Variants in BCAS3 observed in about 807,000 individuals in gnomAD.
BCAS3 encodes the protein BCAS3 microtubule associated cell migration factor.
A neutral mutation model predicts 116.1 loss-of-function variants in BCAS3; 53 were observed. That is an observed-to-expected ratio of 0.46 (90% CI 0.37 to 0.57). The LOEUF is 0.57. BCAS3 is among the 20% of genes least tolerant of loss of function. BCAS3 has a pLI of 0.00. For missense variants in BCAS3, 917 were observed against 1,165.4 expected, an observed-to-expected ratio of 0.79 and a Z score of 3.10; for synonymous variants, 391 against 408.2, an observed-to-expected ratio of 0.96 and a Z score of 0.51.
intron 7 of BCAS3, among the ~76,000 whole-genome samples, chr17:60,825,492 A>G (rs1239296677): frequency 2.0e-5 from 3 of 147,620 alleles, no homozygotes; most frequent in Non-Finnish European, 3.0e-5. Context: ...TTGGTAATTT[A>G]TAAATAATAA....
intron 5 of BCAS3, among the ~76,000 whole-genome samples, chr17:60,736,609 A>C (rs1348528968): frequency 6.6e-6 from 1 of 152,046 alleles, no homozygotes; most frequent in Non-Finnish European, 1.5e-5. Flanking sequence ...TTCTTTCTTA[A>C]ATGTATGGTA....
intron 12 of BCAS3, among the ~76,000 whole-genome samples, chr17:60,921,368 C>G (rs2059075216): frequency 6.6e-6 from 1 of 152,090 alleles, no homozygotes; most frequent in African/African-American, 2.4e-5. Flanking sequence ...GACCACACCA[C>G]GTTGGGAGGC....
intron 22 of BCAS3, among the ~76,000 whole-genome samples, chr17:61,262,956 T>C (rs2049359635): frequency 6.6e-6 from 1 of 152,114 alleles, no homozygotes; most frequent in Non-Finnish European, 1.5e-5. Context: ...CCTCCCAAAG[T>C]GCTGGGATTA....
At chr17:60,754,752 A>T (rs1233705994) in intron 6 of BCAS3, among the ~76,000 whole-genome samples, 1 of 149,798 alleles carries the variant, frequency 6.7e-6, no homozygotes, top group Non-Finnish European at 1.5e-5. Context: ...GAGTCTGTTC[A>T]GCCGAAACAC....
At chr17:60,720,978 T>G (rs1249000166) in intron 5 of BCAS3, among the ~76,000 whole-genome samples, 1 of 152,190 alleles carries the variant, frequency 6.6e-6, no homozygotes, top group Non-Finnish European at 1.5e-5. Context: ...AAAGTGCGGC[T>G]GCTCCTTGAA....
chr17:61,183,798 T>A (rs898543138), intron 22 of BCAS3, among the ~76,000 whole-genome samples: 3 of 152,246 alleles, frequency 2.0e-5, no homozygotes, highest in African/African-American at 7.2e-5. Context: ...AGAAAATGAC[T>A]GATACAATTG....
At chr17:61,035,932 T>A (rs1568178962) in intron 17 of BCAS3, among the ~76,000 whole-genome samples, 1 of 152,054 alleles carries the variant, frequency 6.6e-6, no homozygotes, top group Non-Finnish European at 1.5e-5. Flanking sequence ...TATGAATTGT[T>A]TATTTCTGGA....
At chr17:60,882,725 C>T (rs1259808239) in intron 9 of BCAS3, among the ~76,000 whole-genome samples, 1 of 146,388 alleles carries the variant, frequency 6.8e-6, no homozygotes, top group Non-Finnish European at 1.5e-5. Flanking sequence ...TTGTTTTTGT[C>T]AGGTTTGTCA....
At chr17:61,024,359 A>C (rs2066079612) in intron 16 of BCAS3, among the ~76,000 whole-genome samples, 1 of 152,132 alleles carries the variant, frequency 6.6e-6, no homozygotes, top group Non-Finnish European at 1.5e-5. Flanking sequence ...TACATGCTAA[A>C]CCAGGTTCTA....
At chr17:61,231,803 G>A (rs191374322) in intron 22 of BCAS3, among the ~76,000 whole-genome samples, 2 of 146,724 alleles carry the variant, frequency 1.4e-5, no homozygotes, top group African/African-American at 5.0e-5. Flanking sequence ...ATTTGAGCCT[G>A]AGAGATCGAA....
Position 61,380,404 on chromosome 17 carries a change from A to G in BCAS3, c.2594-11573A>G, listed in dbSNP as rs2059549555. ...ACCCCCGCAAAGCTCTCAGTGGTCA[A>G]ACCAGATTTGGGTATCGACTCACTT... is the stretch of plus-strand genomic sequence containing the variant. On this transcript the variant is annotated intron_variant, in intron 23 of 23. Coordinates refer to ENST00000407086, the MANE Select transcript of BCAS3 (RefSeq NM_017679.5). The surrounding 1 kb of genome is among the most constrained non-coding windows in gnomAD (Gnocchi z 4.2). The G allele has an allele frequency of 3.5e-6, 4 of 1,130,786 alleles. No homozygotes were observed. Among genetic ancestry groups the G allele is most frequent in the South Asian group, 1.3e-5 (1 of 75,624 alleles). 70.0% of individuals were successfully genotyped at this position (1,130,786 alleles called of 1,614,324 possible). A position where few individuals can be genotyped will look rare whatever the true frequency, so the allele number is the denominator to read the frequency against.
At chr17:60,929,734 A>T (rs2059547368) in intron 13 of BCAS3, among the ~76,000 whole-genome samples, 1 of 86,674 alleles carries the variant, frequency 1.2e-5, no homozygotes, top group East Asian at 3.8e-4. Flanking sequence ...CCCACCCCAC[A>T]ACAGTCCCCA....
At chr17:61,055,648 G>T (rs1281561204) in intron 19 of BCAS3, among the ~76,000 whole-genome samples, 3 of 152,066 alleles carry the variant, frequency 2.0e-5, no homozygotes, top group Admixed American at 6.6e-5. Context: ...CTGGAGAACT[G>T]GTATACATTG....
rs371178241 is a variant in BCAS3, at chr17:61,285,231, T to TTGTGTGTGTGTGTGTGTGTGTGTG, written c.2426-83092_2426-83069dup. 2.9e-4 allele frequency among the ~76,000 whole-genome samples: 40 copies of TTGTGTGTGTGTGTGTGTGTGTGTG among 140,090 alleles called. No individual in the cohort carries two copies. Among genetic ancestry groups the TTGTGTGTGTGTGTGTGTGTGTGTG allele is most frequent in the African/African-American group, 9.4e-4 (31 of 32,948 alleles). The allele number at this position is 140,090 out of a possible 152,430, so 91.9% of individuals were successfully genotyped here. A position where few individuals can be genotyped will look rare whatever the true frequency, so the allele number is the denominator to read the frequency against. ...GTTTTGCTTTTCCCCTCCTCCTAGG[T>TTGTGTGTGTGTGTGTGTGTGTGTG]TGTGTGTGTGTGTGTGTGTGTGTGT... On this transcript the variant is annotated intron_variant, in intron 22 of 23. Transcript: ENST00000407086. The surrounding 1 kb of genome is among the most constrained non-coding windows in gnomAD (Gnocchi z 5.4).
At chr17:61,240,259 A>G (rs1425316716) in intron 22 of BCAS3, among the ~76,000 whole-genome samples, 1 of 152,202 alleles carries the variant, frequency 6.6e-6, no homozygotes, top group East Asian at 1.9e-4. Context: ...CAGATTCAAA[A>G]ACAGCCTAAG....
chr17:60,814,425 A>G (rs1003265983), intron 7 of BCAS3, among the ~76,000 whole-genome samples: 11 of 152,022 alleles, frequency 7.2e-5, no homozygotes, highest in Middle Eastern at 6.8e-3. Flanking sequence ...CCTGAAACTT[A>G]CTGAAATTTT....
At chr17:61,119,905 A>G (rs2075695138) in intron 22 of BCAS3, among the ~76,000 whole-genome samples, 1 of 152,094 alleles carries the variant, frequency 6.6e-6, no homozygotes. Flanking sequence ...ACCAGAAAAT[A>G]TAAAATACTT....
chr17:60,824,821 G>C (rs759951809), intron 7 of BCAS3, among the ~76,000 whole-genome samples: 1 of 152,162 alleles, frequency 6.6e-6, no homozygotes, highest in Non-Finnish European at 1.5e-5. Flanking sequence ...TTTTCTGGAA[G>C]ATATTTGGAG....
At chr17:61,254,270 A>G (rs543245730) in intron 22 of BCAS3, among the ~76,000 whole-genome samples, 2 of 152,292 alleles carry the variant, frequency 1.3e-5, no homozygotes, top group South Asian at 4.1e-4. Context: ...GCCTCACAGA[A>G]CACTTCTGCC....
Sources: allele counts gnomAD v4.1 joint callset (sites outside exome capture counted in the v4.1 genomes callset), GRCh38; gene constraint gnomAD v4.1.1; non-coding constraint Gnocchi (gnomAD v3.1); transcripts MANE v1.5; gene names NCBI Gene and HGNC (gene_info 2026-07-23, HGNC 2026-07-21).